The following RETREG1 variants were observed in gnomAD, a reference collection of about 807,000 sequenced individuals.
The protein encoded by RETREG1 is family with sequence similarity 134 member B.
Under a neutral mutation model 54.8 loss-of-function variants are expected in RETREG1, and 44 were observed. The observed-to-expected ratio is 0.80, with a 90% CI of 0.63 to 1.03. RETREG1 has a LOEUF of 1.03. Among genes scored for constraint, RETREG1 ranks in the 50% least tolerant of loss-of-function variants. RETREG1 has a pLI of 0.00. For synonymous variants in RETREG1, 217 were observed against 238.5 expected (o/e 0.91, Z 0.83); for missense variants, 554 against 605.1 (o/e 0.92, Z 0.89).
intron 1 of RETREG1, among the ~76,000 whole-genome samples, chr5:16,577,496 T>A (rs767512293): frequency 6.6e-6 from 1 of 152,126 alleles, no homozygotes; most frequent in Non-Finnish European, 1.5e-5. Flanking sequence ...ATCACAGTTA[T>A]AACGAGAAAC....
intron 1 of RETREG1, among the ~76,000 whole-genome samples, chr5:16,601,802 C>A (rs1743062346): frequency 6.6e-6 from 1 of 152,136 alleles, no homozygotes; most frequent in Non-Finnish European, 1.5e-5. Context: ...AAAAAAATAT[C>A]AACAGAGGTC....
At chr5:16,581,550 C>T (rs954537397) in intron 1 of RETREG1, among the ~76,000 whole-genome samples, 1 of 149,910 alleles carries the variant, frequency 6.7e-6, no homozygotes, top group Non-Finnish European at 1.5e-5. Flanking sequence ...CACACACACA[C>T]ACACACACAC....
intron 3 of RETREG1, among the ~76,000 whole-genome samples, chr5:16,492,615 A>C (rs867638680): frequency 2.7e-4 from 41 of 152,160 alleles, no homozygotes; most frequent in African/African-American, 9.9e-4. Flanking sequence ...CTCTACTGGT[A>C]GTGGACATCT....
intron 3 of RETREG1, among the ~76,000 whole-genome samples, chr5:16,486,974 C>G (rs188738904): frequency 1.3e-5 from 2 of 152,240 alleles, no homozygotes; most frequent in African/African-American, 2.4e-5. Context: ...TCCCAGAGAG[C>G]CTTATTTGGA....
rs181950748 is a variant in RETREG1, at chr5:16,511,231, G to A, written c.459-27759C>T. On this transcript the variant is annotated intron_variant, in intron 3 of 8. Coordinates refer to ENST00000306320, the MANE Select transcript of RETREG1 (RefSeq NM_001034850.3). ...AATTTTGATCTTTTTCTGGGCTAGC[G>A]ACATGTGGTGGGGTACTCTCTTATG... Among the ~76,000 whole-genome samples the A allele has an allele frequency of 4.5e-4, 68 of 152,244 alleles. No homozygotes were observed. The East Asian group carries it at 0.012, about 27-fold the overall frequency.
intron 3 of RETREG1, among the ~76,000 whole-genome samples, chr5:16,560,685 A>G (rs566234102): frequency 6.6e-6 from 1 of 152,358 alleles, no homozygotes; most frequent in East Asian, 1.9e-4. Context: ...CTAATCCCAC[A>G]TGGCTCACAT....
chr5:16,587,215 C>T (rs1007031060), intron 1 of RETREG1, among the ~76,000 whole-genome samples: 2 of 152,142 alleles, frequency 1.3e-5, no homozygotes, highest in African/African-American at 2.4e-5. Flanking sequence ...TTCAAGGAAC[C>T]GTCCTAGGCA....
chr5:16,573,162 G>A (rs1344244974), intron 1 of RETREG1, among the ~76,000 whole-genome samples: 1 of 112,810 alleles, frequency 8.9e-6, no homozygotes, highest in African/African-American at 3.3e-5. Context: ...AGCCTGGTGA[G>A]AGAGTGAGAT....
chr5:16,553,063 T>A (rs1280075657), intron 3 of RETREG1, among the ~76,000 whole-genome samples: 1 of 152,220 alleles, frequency 6.6e-6, no homozygotes, highest in African/African-American at 2.4e-5. Flanking sequence ...ACCTTTCAAA[T>A]ATACAATATT....
intron 1 of RETREG1, among the ~76,000 whole-genome samples, chr5:16,581,956 A>C (rs1352192534): frequency 6.6e-6 from 1 of 152,244 alleles, no homozygotes; most frequent in Non-Finnish European, 1.5e-5. Flanking sequence ...CTAGGTATTA[A>C]GTCCAGCATG....
intron 3 of RETREG1, among the ~76,000 whole-genome samples, chr5:16,524,228 C>T (rs987602937): frequency 2.6e-5 from 4 of 152,310 alleles, no homozygotes; most frequent in South Asian, 4.1e-4. Context: ...TGAGACAAGG[C>T]GACACATGTG....
At chr5:16,498,909 C>A (rs1269356151) in intron 3 of RETREG1, among the ~76,000 whole-genome samples, 7 of 152,134 alleles carry the variant, frequency 4.6e-5, no homozygotes, top group Non-Finnish European at 1.0e-4. Flanking sequence ...TTTAATAATT[C>A]TCTTAGCTTA....
intron 3 of RETREG1, among the ~76,000 whole-genome samples, chr5:16,527,178 A>T (rs989726806): frequency 7.9e-5 from 12 of 152,206 alleles, no homozygotes; most frequent in Non-Finnish European, 1.5e-4. Context: ...GGAAAACCTT[A>T]GAGATGGGGT....
At chr5:16,493,248 C>CT (rs1385092932) in intron 3 of RETREG1, among the ~76,000 whole-genome samples, 2 of 152,170 alleles carry the variant, frequency 1.3e-5, no homozygotes, top group Non-Finnish European at 2.9e-5. Context: ...CACTCAACTA[C>CT]CCATCATAGT....
rs560243209 is a variant in RETREG1, at chr5:16,528,847, C to T, written c.458+36916G>A. On this transcript the variant is annotated intron_variant, in intron 3 of 8. Transcript: ENST00000306320. ...TACAGTGCCTGCCACAATACTCAATCCTACCATTGTGGCATCAAAGCAGCC... is the reference window on the plus strand; with the variant it reads ...TACAGTGCCTGCCACAATACTCAATTCTACCATTGTGGCATCAAAGCAGCC... Among the ~76,000 whole-genome samples, 17 of 152,258 alleles carry T rather than the reference C, an allele frequency of 1.1e-4. No individual in the cohort carries two copies. The South Asian group carries it at 3.5e-3, about 32-fold the overall frequency.
intron 1 of RETREG1, among the ~76,000 whole-genome samples, chr5:16,589,982 T>A (rs1742716995): frequency 1.3e-5 from 2 of 151,932 alleles, no homozygotes; most frequent in Non-Finnish European, 2.9e-5. Flanking sequence ...AACAAACAAC[T>A]AAGAGTGGAA....
chr5:16,552,974 C>CA (rs925547004), intron 3 of RETREG1, among the ~76,000 whole-genome samples: 2 of 152,122 alleles, frequency 1.3e-5, no homozygotes, highest in Non-Finnish European at 2.9e-5. Flanking sequence ...AGACTAAAGA[C>CA]AAAAAAACCT....
chr5:16,590,849 C>CAAAA (rs752781695), intron 1 of RETREG1, among the ~76,000 whole-genome samples: 2 of 150,572 alleles, frequency 1.3e-5, no homozygotes, highest in African/African-American at 2.4e-5. Flanking sequence ...CACACATGCA[C>CAAAA]ACACAAAAAA....
intron 3 of RETREG1, among the ~76,000 whole-genome samples, chr5:16,519,805 A>G (rs1193337873): frequency 6.6e-6 from 1 of 152,182 alleles, no homozygotes; most frequent in Non-Finnish European, 1.5e-5. Context: ...ATAGGCCACA[A>G]ATTGTAAGGT....
Sources: allele counts gnomAD v4.1 joint callset (sites outside exome capture counted in the v4.1 genomes callset), GRCh38; gene constraint gnomAD v4.1.1; transcripts MANE v1.5; gene names NCBI Gene and HGNC (gene_info 2026-07-23, HGNC 2026-07-21).